The following MVB12B variants were observed in gnomAD, a reference collection of about 807,000 sequenced individuals.
MVB12B encodes the protein multivesicular body subunit 12B.
MVB12B carries 16 observed loss-of-function variants against 41.6 expected under a neutral mutation model. That is an observed-to-expected ratio of 0.38 (90% CI 0.26 to 0.58). The LOEUF (loss-of-function observed/expected upper bound fraction) is 0.58, where lower values mean the gene tolerates loss of function less well. Ranked by LOEUF, MVB12B falls within the 20% of genes least tolerant of loss-of-function variation. MVB12B has a pLI of 0.62. For synonymous variants in MVB12B, 133 were observed against 139.7 expected (o/e 0.95, Z 0.34); for missense variants, 274 against 380.2 (o/e 0.72, Z 2.32).
chr9:126,430,668 G>A (rs917466816), intron 7 of MVB12B, among the ~76,000 whole-genome samples: 1 of 151,662 alleles, frequency 6.6e-6, no homozygotes, highest in Non-Finnish European at 1.5e-5. Flanking sequence ...GTCACCGAGA[G>A]CTGCCCTGTC....
chr9:126,347,365 C>G (rs1168097097), intron 2 of MVB12B, among the ~76,000 whole-genome samples: 2 of 152,260 alleles, frequency 1.3e-5, no homozygotes, highest in African/African-American at 2.4e-5. Flanking sequence ...CCTGCCTCCC[C>G]CCATGTCTCT....
intron 7 of MVB12B, among the ~76,000 whole-genome samples, chr9:126,449,058 C>T (rs1832844040): frequency 2.0e-5 from 3 of 151,886 alleles, no homozygotes; most frequent in Admixed American, 2.0e-4. Context: ...TGGACATGAT[C>T]CCATAACTTG....
At chr9:126,414,941 G>A (rs2119069649) in intron 6 of MVB12B, among the ~76,000 whole-genome samples, 1 of 152,106 alleles carries the variant, frequency 6.6e-6, no homozygotes, top group African/African-American at 2.4e-5. Context: ...TGATGCCCAG[G>A]CTGGTCTCAA....
chr9:126,401,089 C>G (rs1018832652), intron 6 of MVB12B, among the ~76,000 whole-genome samples: 3 of 152,178 alleles, frequency 2.0e-5, no homozygotes, highest in Non-Finnish European at 4.4e-5. Flanking sequence ...AGCTGCTGCC[C>G]AAACTCTCCT....
intron 9 of MVB12B, among the ~76,000 whole-genome samples, chr9:126,500,801 C>T (rs1400802165): frequency 6.6e-6 from 1 of 152,236 alleles, no homozygotes; most frequent in African/African-American, 2.4e-5. Flanking sequence ...CCATGCCCTT[C>T]CCCAGTCAGG....
chr9:126,347,909 C>G (rs550620284), intron 2 of MVB12B, among the ~76,000 whole-genome samples: 1 of 152,320 alleles, frequency 6.6e-6, no homozygotes, highest in African/African-American at 2.4e-5. Flanking sequence ...GAAAATTGCC[C>G]TCGTTCTCCA....
chr9:126,409,982 TTTTTG>T (rs1281905909), intron 6 of MVB12B, among the ~76,000 whole-genome samples: 1 of 152,238 alleles, frequency 6.6e-6, no homozygotes, highest in Non-Finnish European at 1.5e-5. Flanking sequence ...ACTTGCCATG[TTTTTG>T]TTTTAAGATT....
intron 2 of MVB12B, among the ~76,000 whole-genome samples, chr9:126,344,927 C>A (rs532129785): frequency 2.0e-5 from 3 of 152,148 alleles, no homozygotes; most frequent in Non-Finnish European, 2.9e-5. Flanking sequence ...AGGACAGAAC[C>A]CTCAGAACCT....
rs1008010013 is a variant in MVB12B, at chr9:126,502,821, G to A, written c.874-356G>A. Among the ~76,000 whole-genome samples the A allele has an allele frequency of 2.0e-5, 3 of 152,238 alleles. No homozygotes were observed. The South Asian group carries it at 6.2e-4, about 31-fold the overall frequency. On this transcript the variant is annotated intron_variant, in intron 9 of 9. Coordinates refer to ENST00000361171, the MANE Select transcript of MVB12B (RefSeq NM_033446.3). ...GCAGGGGCATGAAAACTGTCCCGCT[G>A]GGTGGGAGGCCATGACAGTCAGCAC...
At chr9:126,403,174 G>C (rs4837077) in intron 6 of MVB12B, among the ~76,000 whole-genome samples, 18,913 of 152,162 alleles carry the variant, frequency 0.12, 1,579 homozygotes, top group East Asian at 0.38. Flanking sequence ...TTCCTCAATC[G>C]AGAACTTCAC....
intron 7 of MVB12B, among the ~76,000 whole-genome samples, chr9:126,440,886 A>C (rs1416889360): frequency 6.6e-6 from 1 of 152,266 alleles, no homozygotes; most frequent in South Asian, 2.1e-4. Context: ...TTTGAAAGCC[A>C]TAACTAGCTA....
chr9:126,475,682 A>G (rs549751572), intron 7 of MVB12B, among the ~76,000 whole-genome samples: 1 of 152,190 alleles, frequency 6.6e-6, no homozygotes, highest in East Asian at 1.9e-4. Flanking sequence ...GCTTCAGCCC[A>G]TGGGATCCTA....
intron 7 of MVB12B, among the ~76,000 whole-genome samples, chr9:126,465,617 G>A (rs191142366): frequency 9.1e-5 from 13 of 142,530 alleles, no homozygotes; most frequent in Admixed American, 3.0e-4. Context: ...AGCTGGGGGC[G>A]CAGCTATCAT....
intron 7 of MVB12B, among the ~76,000 whole-genome samples, chr9:126,476,453 C>T (rs954845358): frequency 3.3e-5 from 5 of 152,214 alleles, no homozygotes; most frequent in African/African-American, 7.2e-5. Flanking sequence ...GCACCCTGCC[C>T]GCTCCCTGCA....
intron 6 of MVB12B, among the ~76,000 whole-genome samples, chr9:126,407,046 T>A (rs1224219101): frequency 6.6e-6 from 1 of 152,162 alleles, no homozygotes; most frequent in Non-Finnish European, 1.5e-5. Context: ...TCAACACAAG[T>A]GTATATTTTT....
chr9:126,351,512 T>C (rs1189190012), intron 2 of MVB12B, among the ~76,000 whole-genome samples: 1 of 115,364 alleles, frequency 8.7e-6, no homozygotes, highest in Admixed American at 1.1e-4. Context: ...TTTTTGAGAC[T>C]GAGTCTTGCT....
chr9:126,498,500 G>A (rs1010014255), intron 9 of MVB12B, among the ~76,000 whole-genome samples: 4 of 152,212 alleles, frequency 2.6e-5, no homozygotes, highest in East Asian at 1.9e-4. Context: ...TGGCCCTATC[G>A]TGATTCACCC....
intron 7 of MVB12B, 150 bp downstream of exon 7, chr9:126,422,098 T>G: frequency 5.5e-5 from 33 of 596,972 alleles, no homozygotes; most frequent in East Asian, 8.7e-5. Context: ...GGACCAGGCC[T>G]TCCCTTTCCT....
intron 6 of MVB12B, among the ~76,000 whole-genome samples, chr9:126,398,864 G>A (rs147809105): frequency 2.0e-5 from 3 of 152,006 alleles, no homozygotes; most frequent in Admixed American, 1.3e-4. Flanking sequence ...TTGTGTCATC[G>A]CTCAGATTTC....
Sources: gnomAD v4.1 joint callset for allele counts (sites outside exome capture counted in the v4.1 genomes callset) on GRCh38, gnomAD v4.1.1 for gene constraint, MANE v1.5 for transcripts, NCBI Gene and HGNC (gene_info 2026-07-23, HGNC 2026-07-21) for gene names.